The following NXN variants were observed in gnomAD, a reference collection of about 807,000 sequenced individuals.
NXN encodes the protein nucleoredoxin 1.
A neutral mutation model predicts 48.6 loss-of-function variants in NXN; 16 were observed. That is an observed-to-expected ratio of 0.33 (90% CI 0.22 to 0.50). The LOEUF is 0.50. Among genes scored for constraint, NXN ranks in the 20% least tolerant of loss-of-function variants. The pLI is 0.98. For missense variants in NXN, 492 were observed against 605.5 expected (o/e 0.81, Z 1.97); for synonymous variants, 281 against 269.6 (o/e 1.04, Z -0.41).
chr17:808,365 C>T (rs948350439), intron 5 of NXN, among the ~76,000 whole-genome samples: 12 of 151,232 alleles, frequency 7.9e-5, no homozygotes, highest in African/African-American at 2.4e-4. Flanking sequence ...TGCAGTGGCG[C>T]GATCTCGGCT....
At chr17:812,903 C>T (rs972149265) in intron 5 of NXN, among the ~76,000 whole-genome samples, 12 of 120,642 alleles carry the variant, frequency 9.9e-5, no homozygotes, top group Non-Finnish European at 1.5e-4. Flanking sequence ...TAGGTGTGTG[C>T]ATGTGTGACT....
At chr17:957,562 G>T (rs558140056) in intron 1 of NXN, among the ~76,000 whole-genome samples, 1 of 151,680 alleles carries the variant, frequency 6.6e-6, no homozygotes, top group South Asian at 2.1e-4. Flanking sequence ...AACACGGGAG[G>T]TGTAGGTTGC....
chr17:856,552 G>A (rs1251168717), intron 1 of NXN, among the ~76,000 whole-genome samples: 7 of 147,338 alleles, frequency 4.8e-5, no homozygotes, highest in African/African-American at 1.3e-4. Context: ...GTGCAGTGGT[G>A]CAATCTCGGC....
chr17:977,728 G>A (rs1229178346), intron 1 of NXN, among the ~76,000 whole-genome samples: 1 of 152,198 alleles, frequency 6.6e-6, no homozygotes, highest in Non-Finnish European at 1.5e-5. Context: ...CAATGAAAAT[G>A]TTTTTTGGCA....
chr17:959,361 G>A (rs919010813), intron 1 of NXN: 7 of 232,328 alleles, frequency 3.0e-5, no homozygotes, highest in East Asian at 2.6e-4. Context: ...ACGTGGAGTC[G>A]CGCAGAGGCT....
chr17:860,084 T>C (rs1454283374), intron 1 of NXN, among the ~76,000 whole-genome samples: 2 of 152,062 alleles, frequency 1.3e-5, no homozygotes, highest in African/African-American at 4.8e-5. Context: ...CTTCTCTTTG[T>C]ATATTATGTT....
chr17:857,419 C>T lies in NXN; in HGVS notation c.361-31341G>A, dbSNP rs112454237. On this transcript the variant is annotated intron_variant, in intron 1 of 7. Transcript: ENST00000336868. ...GGGACTACAGGCACGCACCACCACACCCAGATCATTTTTGTATTTTTAGTA... is the reference window on the plus strand; with the variant it reads ...GGGACTACAGGCACGCACCACCACATCCAGATCATTTTTGTATTTTTAGTA... Among the ~76,000 whole-genome samples, 9 of 152,210 alleles carry T rather than the reference C, an allele frequency of 5.9e-5. 1 individual carries two copies. The highest frequency in any genetic ancestry group is 1.9e-4 in the African/African-American group (8 of 41,538).
chr17:956,695 G>A lies in NXN; in HGVS notation c.360+22624C>T, dbSNP rs563442524. On this transcript the variant is annotated intron_variant, in intron 1 of 7. Transcript: ENST00000336868. This position sits in a 1 kb window ranked among gnomAD's most constrained non-coding sequence, Gnocchi z 4.1. ...CTCCCAAAGTGCTGGGATTACAGGCGTGAGCCACCGCGCCTGGCCAAGAGC... is the reference window on the plus strand; with the variant it reads ...CTCCCAAAGTGCTGGGATTACAGGCATGAGCCACCGCGCCTGGCCAAGAGC... Among the ~76,000 whole-genome samples, 45 of 152,296 alleles carry A rather than the reference G, an allele frequency of 3.0e-4. No homozygotes were observed. Among genetic ancestry groups the A allele is most frequent in the Non-Finnish European group, 5.0e-4 (34 of 68,022 alleles).
intron 1 of NXN, 88 bp downstream of exon 1, chr17:979,231 C>G (rs1299036304): frequency 1.3e-5 from 6 of 463,020 alleles, no homozygotes; most frequent in Non-Finnish European, 1.5e-5. Context: ...ACGGGGTTGG[C>G]GGAGGGCAGG....
rs111557230 is a variant in NXN at position 872,359 on chromosome 17, T to C, written c.361-46281A>G. Reference sequence around the variant, plus strand: ...AGACAAGGAGAGAGACAGAGGAACATGTCAATCAAAGACAAGGAGGGAGAG... The same window carrying C: ...AGACAAGGAGAGAGACAGAGGAACACGTCAATCAAAGACAAGGAGGGAGAG... On this transcript the variant is annotated intron_variant, in intron 1 of 7. Transcript: ENST00000336868. 2.0e-5 allele frequency among the ~76,000 whole-genome samples: 3 copies of C among 146,748 alleles called. No homozygotes were observed. In the East Asian group the frequency reaches 6.0e-4, roughly 29 times the overall value.
chr17:934,177 G>A (rs781588144), intron 1 of NXN, among the ~76,000 whole-genome samples: 13 of 152,148 alleles, frequency 8.5e-5, no homozygotes, highest in African/African-American at 1.7e-4. Context: ...CGGGCGCGGT[G>A]GCTCACGCCT....
intron 1 of NXN, among the ~76,000 whole-genome samples, chr17:957,458 A>C (rs991122798): frequency 3.3e-5 from 5 of 151,808 alleles, no homozygotes; most frequent in African/African-American, 4.8e-5. Flanking sequence ...ATGGCGAAAC[A>C]CCGTCTCTAC....
chr17:808,467 T>C (rs1286227431), intron 5 of NXN, among the ~76,000 whole-genome samples: 1 of 151,828 alleles, frequency 6.6e-6, no homozygotes, highest in Non-Finnish European at 1.5e-5. Context: ...CACACCCAGA[T>C]AATTTTTAGT....
chr17:930,039 A>C (rs2068838288), intron 1 of NXN: 1 of 152,082 alleles, frequency 6.6e-6, no homozygotes, highest in South Asian at 2.1e-4. Context: ...AGTACCGAAG[A>C]AAGTTCCAGA....
chr17:894,703 G>T (rs1459493539), intron 1 of NXN, among the ~76,000 whole-genome samples: 1 of 152,216 alleles, frequency 6.6e-6, no homozygotes, highest in Non-Finnish European at 1.5e-5. Flanking sequence ...GTCCTGCCGG[G>T]GGCAGCCTCT....
At chr17:879,023 G>C (rs1249839842) in intron 1 of NXN, among the ~76,000 whole-genome samples, 1 of 151,980 alleles carries the variant, frequency 6.6e-6, no homozygotes, top group Non-Finnish European at 1.5e-5. Context: ...AAACTAGCCA[G>C]GTGTGGTGGC....
chr17:900,913 C>CTTTTTTTTTTTTTTTTTTTTT (rs11367844), intron 1 of NXN, among the ~76,000 whole-genome samples: 1 of 75,880 alleles, frequency 1.3e-5, no homozygotes, highest in Admixed American at 1.6e-4. Context: ...GATCTGCATT[C>CTTTTTTTTTTTTTTTTTTTTT]TTTTTTTTTT....
At chr17:878,578 C>T (rs561149506) in intron 1 of NXN, among the ~76,000 whole-genome samples, 5 of 151,568 alleles carry the variant, frequency 3.3e-5, no homozygotes, top group East Asian at 3.9e-4. Context: ...TGGATCCACC[C>T]GTAATGAGGG....
At chr17:953,380 A>T (rs1597272028) in intron 1 of NXN, among the ~76,000 whole-genome samples, 1 of 151,956 alleles carries the variant, frequency 6.6e-6, no homozygotes, top group African/African-American at 2.4e-5. Context: ...GCGCCACTGC[A>T]CTCCAGCCTG....
Sources: allele counts gnomAD v4.1 joint callset (sites outside exome capture counted in the v4.1 genomes callset), GRCh38; gene constraint gnomAD v4.1.1; non-coding constraint Gnocchi (gnomAD v3.1); transcripts MANE v1.5; gene names NCBI Gene and HGNC (gene_info 2026-07-23, HGNC 2026-07-21).